Variants in EXT2 observed in about 807,000 individuals in gnomAD.
The protein encoded by EXT2 is exostosin glycosyltransferase 2, also known as exostosin-2.
Under a neutral mutation model 81.6 loss-of-function variants are expected in EXT2, and 53 were observed. That is an observed-to-expected ratio of 0.65 (90% CI 0.52 to 0.82). The LOEUF is 0.82. Among genes scored for constraint, EXT2 ranks in the 40% least tolerant of loss-of-function variants. The pLI is 0.00. For missense variants in EXT2, 774 were observed against 910.2 expected, an observed-to-expected ratio of 0.85 and a Z score of 1.93; for synonymous variants, 320 against 340.0, an observed-to-expected ratio of 0.94 and a Z score of 0.65.
chr11:44,117,991 C>G (rs1478283471), intron 4 of EXT2, among the ~76,000 whole-genome samples: 1 of 152,114 alleles, frequency 6.6e-6, no homozygotes, highest in East Asian at 1.9e-4. Flanking sequence ...TCAGAGTTTT[C>G]CTGACTATTC....
Position 44,244,342 on chromosome 11 carries a change from G to A in EXT2, c.*55G>A, listed in dbSNP as rs951202138. On this transcript the variant is annotated 3_prime_UTR_variant, in exon 14 of 14. Transcript: ENST00000533608. ...AGGCTGGGACAGAGGGAGAGAACAAGGCCTCCCAGCACTCTGATGTCAGAG... is the reference window on the plus strand; with the variant it reads ...AGGCTGGGACAGAGGGAGAGAACAAAGCCTCCCAGCACTCTGATGTCAGAG... 2.4e-5 allele frequency: 39 copies of A among 1,596,018 alleles called. No individual in the cohort carries two copies. The highest frequency in any genetic ancestry group is 5.0e-5 in the Admixed American group (3 of 59,980).
chr11:44,136,385 G>A (rs1439376899), intron 7 of EXT2, among the ~76,000 whole-genome samples: 1 of 152,154 alleles, frequency 6.6e-6, no homozygotes, highest in African/African-American at 2.4e-5. Context: ...AGCATGTGAG[G>A]GACAGACAAG....
rs983943626 is a variant in EXT2 at position 44,250,288 on chromosome 11, T to G, written c.*6001T>G. Among the ~76,000 whole-genome samples the G allele has an allele frequency of 1.3e-5, 2 of 152,220 alleles. No homozygotes were observed. Among genetic ancestry groups the G allele is most frequent in the Non-Finnish European group, 1.5e-5 (1 of 68,038 alleles). On this transcript the variant is annotated 3_prime_UTR_variant, in exon 14 of 14. Transcript: ENST00000533608. Reference sequence around the variant, plus strand: ...TGAGGATTCCATTAACCCCATCTTCTCCAATGTATGGAGGATGCAAGAAGC... The same window carrying G: ...TGAGGATTCCATTAACCCCATCTTCGCCAATGTATGGAGGATGCAAGAAGC...
chr11:44,153,694 C>G (rs1180257899), intron 7 of EXT2, among the ~76,000 whole-genome samples: 2 of 151,838 alleles, frequency 1.3e-5, no homozygotes, highest in African/African-American at 4.8e-5. Context: ...CCTTCTATTC[C>G]TAGTTTGCTG....
chr11:44,151,704 A>C (rs1348957975), intron 7 of EXT2, among the ~76,000 whole-genome samples: 1 of 152,116 alleles, frequency 6.6e-6, no homozygotes, highest in Non-Finnish European at 1.5e-5. Context: ...AGTAGATGTA[A>C]GTTTTCAGTG....
intron 13 of EXT2, among the ~76,000 whole-genome samples, chr11:44,240,334 A>G (rs896170693): frequency 2.6e-5 from 4 of 152,334 alleles, no homozygotes; most frequent in East Asian, 1.9e-4. Context: ...GCTCAGAAGC[A>G]TGGAAGGAAC....
intron 5 of EXT2, among the ~76,000 whole-genome samples, chr11:44,126,470 G>A (rs778968527): frequency 3.9e-5 from 6 of 152,202 alleles, no homozygotes; most frequent in African/African-American, 4.8e-5. Flanking sequence ...GTGTGCCGTG[G>A]TGTGTTTACA....
chr11:44,213,160 A>G (rs1388818704), intron 10 of EXT2, among the ~76,000 whole-genome samples: 1 of 152,212 alleles, frequency 6.6e-6, no homozygotes, highest in Non-Finnish European at 1.5e-5. Flanking sequence ...AAAAGCAGTG[A>G]CCAAAAGTTC....
intron 11 of EXT2, 35 bp downstream of exon 11, chr11:44,232,531 T>C: frequency 6.2e-7 from 1 of 1,612,358 alleles, no homozygotes; most frequent in East Asian, 2.2e-5. Context: ...GTGACAAAAC[T>C]GAGAGAATGA....
At chr11:44,119,301 T>A (rs1441324847) in intron 4 of EXT2, among the ~76,000 whole-genome samples, 1 of 151,714 alleles carries the variant, frequency 6.6e-6, no homozygotes, top group Admixed American at 6.6e-5. Flanking sequence ...ATAATTGTAC[T>A]AACGTCTGTG....
chr11:44,136,541 G>C (rs2135045824), intron 7 of EXT2, among the ~76,000 whole-genome samples: 1 of 152,286 alleles, frequency 6.6e-6, no homozygotes, highest in Middle Eastern at 3.4e-3. Context: ...GGTTGCTTGA[G>C]ACATTTAGGA....
intron 4 of EXT2, chr11:44,116,625 G>A (rs748021918): frequency 6.6e-6 from 1 of 152,174 alleles, no homozygotes; most frequent in Admixed American, 6.5e-5. Flanking sequence ...ATTCCCACCA[G>A]CCATGTATGA....
intron 7 of EXT2, among the ~76,000 whole-genome samples, chr11:44,142,036 G>T (rs922850215): frequency 5.3e-5 from 8 of 151,990 alleles, no homozygotes; most frequent in African/African-American, 1.9e-4. Context: ...TTCAAATAAG[G>T]GTTAAACTGA....
intron 7 of EXT2, among the ~76,000 whole-genome samples, chr11:44,138,854 G>A (rs745556118): frequency 6.6e-6 from 1 of 152,164 alleles, no homozygotes; most frequent in Non-Finnish European, 1.5e-5. Context: ...TTGATTAAAT[G>A]AGATGATTGA....
At chr11:44,120,821 A>C (rs1954304930) in intron 4 of EXT2, among the ~76,000 whole-genome samples, 1 of 152,190 alleles carries the variant, frequency 6.6e-6, no homozygotes, top group African/African-American at 2.4e-5. Context: ...TTCCTTCTAA[A>C]ATGAACTAAA....
intron 4 of EXT2, among the ~76,000 whole-genome samples, chr11:44,122,960 T>A (rs1954340279): frequency 6.6e-6 from 1 of 152,142 alleles, no homozygotes; most frequent in African/African-American, 2.4e-5. Context: ...TTCTAGGGAG[T>A]CTGCTGGTTC....
Position 44,206,939 on chromosome 11 carries a change from G to A in EXT2, c.1642G>A (p.Glu548Lys), listed in dbSNP as rs1804679. 6 of 1,613,922 alleles carry A rather than the reference G, an allele frequency of 3.7e-6. No individual in the cohort carries two copies. The African/African-American group carries it at 4.0e-5, about 11-fold the overall frequency. The change falls in exon 10 of 14, where the codon GAG becomes AAG. Residue 548 changes from glutamate to lysine, a missense_variant. Transcript: ENST00000533608. ...TGATATCATTATGCTGACCTCTGAC[G>A]AGCTGCAATTTGGTTATGAGGTAAG... ...DDDIIMLTSD[E>K]LQFGYEVWRE...
chr11:44,122,386 G>A (rs1012719589), intron 4 of EXT2, among the ~76,000 whole-genome samples: 4 of 152,138 alleles, frequency 2.6e-5, no homozygotes, highest in East Asian at 1.9e-4. Flanking sequence ...AAACAGGTAC[G>A]TTTGATTATA....
At chr11:44,224,716 T>A (rs1955820390) in intron 10 of EXT2, among the ~76,000 whole-genome samples, 2 of 152,132 alleles carry the variant, frequency 1.3e-5, no homozygotes, top group African/African-American at 4.8e-5. Flanking sequence ...TGCACAGTAA[T>A]AAGAAAACAA....
Sources: allele counts gnomAD v4.1 joint callset (sites outside exome capture counted in the v4.1 genomes callset), GRCh38; gene constraint gnomAD v4.1.1; transcripts MANE v1.5; gene names NCBI Gene and HGNC (gene_info 2026-07-23, HGNC 2026-07-21).